SEMA3A: variants seen among roughly 807,000 people sequenced by gnomAD.
SEMA3A encodes semaphorin 3A.
In SEMA3A, 29 loss-of-function variants were observed where a neutral mutation model predicts 97.9. That is an observed-to-expected ratio of 0.30 (90% CI 0.22 to 0.40). SEMA3A has a LOEUF of 0.40. SEMA3A is among the 10% of genes least tolerant of loss of function. SEMA3A has a pLI of 1.00. For synonymous variants in SEMA3A, 321 were observed against 323.7 expected (o/e 0.99, Z 0.09); for missense variants, 763 against 951.3 (o/e 0.80, Z 2.60).
intron 1 of SEMA3A, among the ~76,000 whole-genome samples, chr7:84,463,829 A>G (rs1410169620): frequency 6.6e-6 from 1 of 152,070 alleles, no homozygotes; most frequent in African/African-American, 2.4e-5. Context: ...CCCATAAAAC[A>G]TATAACTTTA....
chr7:84,284,979 A>G (rs1479847976), intron 3 of SEMA3A, among the ~76,000 whole-genome samples: 3 of 152,154 alleles, frequency 2.0e-5, no homozygotes, highest in Admixed American at 1.3e-4. Context: ...AGCCATGTGG[A>G]CACCAACAGG....
intron 1 of SEMA3A, among the ~76,000 whole-genome samples, chr7:84,464,753 T>C (rs1805947670): frequency 6.6e-6 from 1 of 152,186 alleles, no homozygotes. Flanking sequence ...CGGGGAAAGT[T>C]AGGAATAACT....
At chr7:84,279,489 A>G (rs1800385029) in intron 3 of SEMA3A, among the ~76,000 whole-genome samples, 1 of 152,116 alleles carries the variant, frequency 6.6e-6, no homozygotes, top group African/African-American at 2.4e-5. Flanking sequence ...TTAAGGAAAG[A>G]CTAAGGAAAT....
intron 1 of SEMA3A, among the ~76,000 whole-genome samples, chr7:84,173,282 G>A (rs745747094): frequency 3.5e-4 from 53 of 151,940 alleles, no homozygotes; most frequent in Non-Finnish European, 6.2e-4. Flanking sequence ...TTGGCCAGGC[G>A]CGGTGGCTCA....
intron 1 of SEMA3A, among the ~76,000 whole-genome samples, chr7:84,381,351 C>A (rs1001914303): frequency 6.6e-6 from 1 of 152,064 alleles, no homozygotes; most frequent in African/African-American, 2.4e-5. Flanking sequence ...CTTGAAATTC[C>A]AACCTCATCC....
intron 1 of SEMA3A, among the ~76,000 whole-genome samples, chr7:84,378,660 A>T (rs1372713276): frequency 6.6e-6 from 1 of 152,148 alleles, no homozygotes; most frequent in Non-Finnish European, 1.5e-5. Context: ...ATACCCATGT[A>T]ACAAACCTGC....
chr7:84,195,705 C>T (rs1429925290), upstream of SEMA3A, among the ~76,000 whole-genome samples: 2 of 152,122 alleles, frequency 1.3e-5, no homozygotes, highest in Non-Finnish European at 2.9e-5. Context: ...TATGGTTTTC[C>T]AGCTTCTGGA....
chr7:84,305,650 T>C (rs1288625903), intron 3 of SEMA3A, among the ~76,000 whole-genome samples: 1 of 152,032 alleles, frequency 6.6e-6, no homozygotes, highest in African/African-American at 2.4e-5. Context: ...ACACCAGCTC[T>C]ATGTATCACT....
intron 2 of SEMA3A, among the ~76,000 whole-genome samples, chr7:84,345,681 G>A (rs1802282424): frequency 6.6e-6 from 1 of 152,100 alleles, no homozygotes; most frequent in Non-Finnish European, 1.5e-5. Context: ...GTTTTAACAT[G>A]AGATTGCAAT....
intron 6 of SEMA3A, among the ~76,000 whole-genome samples, chr7:84,040,822 C>G (rs916433324): frequency 6.6e-6 from 1 of 151,932 alleles, no homozygotes; most frequent in Admixed American, 6.6e-5. Flanking sequence ...ATGTAAAAAA[C>G]AAGAGGAAAA....
chr7:84,075,053 T>C (rs896635261), intron 4 of SEMA3A, among the ~76,000 whole-genome samples: 1 of 152,136 alleles, frequency 6.6e-6, no homozygotes, highest in Non-Finnish European at 1.5e-5. Flanking sequence ...AGAGAATCTC[T>C]ACTAGAATCT....
In SEMA3A at chr7:84,020,035, C is replaced by CTTTTTTTTTT. The variant is rs781108685; in HGVS notation, c.668-5694_668-5685dup. Among the ~76,000 whole-genome samples, 83 of 58,262 alleles carry CTTTTTTTTTT rather than the reference C, an allele frequency of 1.4e-3. 17 individuals are homozygous for CTTTTTTTTTT. Among genetic ancestry groups the CTTTTTTTTTT allele is most frequent in the Non-Finnish European group, 2.0e-3 (64 of 32,208 alleles). 38.2% of individuals were successfully genotyped at this position (58,262 alleles called of 152,430 possible). On this transcript the variant is annotated intron_variant, in intron 6 of 16. Transcript: ENST00000265362. ...AATATTGTTAATGATTTTTTTCTTTCTTTTTTTTTTTTTTTTTTTTTTTTT... is the reference window on the plus strand; with the variant it reads ...AATATTGTTAATGATTTTTTTCTTTCTTTTTTTTTTTTTTTTTTTTTTTTTTTTTTTTTTT...
chr7:84,355,768 T>G (rs950583188), intron 2 of SEMA3A, among the ~76,000 whole-genome samples: 1 of 151,740 alleles, frequency 6.6e-6, no homozygotes. Flanking sequence ...AAGAGAAAAC[T>G]GAAGGAAATT....
At chr7:84,423,156 A>C (rs1309951567) in intron 1 of SEMA3A, among the ~76,000 whole-genome samples, 1 of 152,078 alleles carries the variant, frequency 6.6e-6, no homozygotes, top group Non-Finnish European at 1.5e-5. Context: ...AAATCAAAAC[A>C]TTTTCTATCA....
chr7:84,222,297 T>A (rs1357462226), intron 3 of SEMA3A, among the ~76,000 whole-genome samples: 4 of 151,928 alleles, frequency 2.6e-5, no homozygotes, highest in African/African-American at 9.7e-5. Flanking sequence ...TATCTTCAGG[T>A]ATTCTTACAC....
At chr7:84,105,459 G>C (rs1795080477) in intron 4 of SEMA3A, among the ~76,000 whole-genome samples, 1 of 152,040 alleles carries the variant, frequency 6.6e-6, no homozygotes, top group Non-Finnish European at 1.5e-5. Context: ...TTGTCATTGT[G>C]GAAATGACCT....
intron 1 of SEMA3A, among the ~76,000 whole-genome samples, chr7:84,194,151 T>C (rs1798137900): frequency 6.6e-6 from 1 of 152,142 alleles, no homozygotes; most frequent in South Asian, 2.1e-4. Flanking sequence ...TTTAAGAAAA[T>C]ATTTTAATAG....
chr7:84,422,366 C>T (rs1399211304), intron 1 of SEMA3A, among the ~76,000 whole-genome samples: 1 of 151,390 alleles, frequency 6.6e-6, no homozygotes, highest in Non-Finnish European at 1.5e-5. Context: ...TGGTGATATT[C>T]CTTTTATCAT....
At chr7:84,119,673 G>A (rs894837405) in intron 3 of SEMA3A, among the ~76,000 whole-genome samples, 5 of 152,128 alleles carry the variant, frequency 3.3e-5, no homozygotes, top group African/African-American at 9.7e-5. Context: ...GATGGACAGT[G>A]TACTCTCAGA....
Sources: allele counts gnomAD v4.1 joint callset (sites outside exome capture counted in the v4.1 genomes callset), GRCh38; gene constraint gnomAD v4.1.1; transcripts MANE v1.5; gene names NCBI Gene and HGNC (gene_info 2026-07-23, HGNC 2026-07-21).